RASGEF1C: variants seen among roughly 807,000 people sequenced by gnomAD.
The protein encoded by RASGEF1C is ras-GEF domain-containing family member 1C.
A neutral mutation model predicts 58.1 loss-of-function variants in RASGEF1C; 27 were observed. The ratio of observed to expected loss-of-function variants is 0.46; its 90% CI spans 0.34 to 0.64. The LOEUF (loss-of-function observed/expected upper bound fraction) is 0.64, where lower values mean the gene tolerates loss of function less well. Ranked by LOEUF, RASGEF1C falls within the 30% of genes least tolerant of loss-of-function variation. The pLI, the probability that RASGEF1C is intolerant of heterozygous loss-of-function variation, is 0.01. For missense variants in RASGEF1C, 502 were observed against 605.1 expected, an observed-to-expected ratio of 0.83 and a Z score of 1.79; for synonymous variants, 243 against 246.3, an observed-to-expected ratio of 0.99 and a Z score of 0.13.
chr5:180,108,204 CTT>C (rs34249635), intron 12 of RASGEF1C, among the ~76,000 whole-genome samples: 27 of 124,870 alleles, frequency 2.2e-4, no homozygotes, highest in Non-Finnish European at 1.9e-4. Flanking sequence ...TTCTTTCTTT[CTT>C]TTTTTTTTTT....
chr5:180,129,397 T>G (rs748067952), intron 4 of RASGEF1C, among the ~76,000 whole-genome samples: 4 of 152,154 alleles, frequency 2.6e-5, no homozygotes, highest in Non-Finnish European at 5.9e-5. Flanking sequence ...CATCTGAGGC[T>G]CTGCCACAGC....
At chr5:180,190,640 C>A (rs1340321785) in intron 1 of RASGEF1C, among the ~76,000 whole-genome samples, 3 of 150,780 alleles carry the variant, frequency 2.0e-5, no homozygotes, top group South Asian at 4.3e-4. Flanking sequence ...TGCTCTCCAG[C>A]CTAGGTGACA....
intron 6 of RASGEF1C, among the ~76,000 whole-genome samples, chr5:180,126,115 A>G (rs58714696): frequency 0.52 from 79,214 of 151,706 alleles, 21,094 homozygotes; most frequent in East Asian, 0.72. Context: ...AAAAAATCTT[A>G]CAAGAATCTC....
intron 1 of RASGEF1C, among the ~76,000 whole-genome samples, chr5:180,145,031 T>G (rs1766641943): frequency 1.3e-5 from 2 of 152,268 alleles, no homozygotes; most frequent in African/African-American, 2.4e-5. Flanking sequence ...TACCATATTT[T>G]GTTCATCTAT....
intron 4 of RASGEF1C, among the ~76,000 whole-genome samples, chr5:180,135,553 C>T (rs1452018079): frequency 6.6e-6 from 1 of 152,180 alleles, no homozygotes; most frequent in Non-Finnish European, 1.5e-5. Context: ...TAAACTTGCC[C>T]CTTCTAAACA....
rs111871120 is a variant in RASGEF1C, at chr5:180,127,466, C to T, written c.714+143G>A. On this transcript the variant is annotated intron_variant, in intron 6 of 13. Transcript: ENST00000361132. ...GCGCCCCCGAGCTGGAGGGGCGTGG[C>T]GGAGTGGGCAGGGCCCCCCGAGCCC... is the stretch of plus-strand genomic sequence containing the variant. 3.7e-3 allele frequency: 2,347 copies of T among 640,618 alleles called. 53 individuals carry two copies. The African/African-American group carries it at 0.04, about 11-fold the overall frequency. 39.7% of individuals were successfully genotyped at this position (640,618 alleles called of 1,614,324 possible). A position where few individuals can be genotyped will look rare whatever the true frequency, so the allele number is the denominator to read the frequency against.
At chr5:180,174,478 G>GTC (rs1420489269) in intron 1 of RASGEF1C, among the ~76,000 whole-genome samples, 2 of 84,400 alleles carry the variant, frequency 2.4e-5, no homozygotes, top group African/African-American at 8.5e-5. Context: ...GTGTATGTGT[G>GTC]TCTGTGTGTG....
At position 180,137,879 on chromosome 5, in the gene RASGEF1C, G is replaced by T; in HGVS notation, c.174C>A (p.Pro58=). 6.2e-7 allele frequency: 1 copy of T among 1,612,068 alleles called. No individual in the cohort carries two copies. ...GCCCGCTGGGTGGATCACCCACCTC[G>T]GGGTAGTAGTCGGCTGTGGGCACCA... ...QHLVPTADYY[P]EKAYIFTFLL... is the part of the protein sequence containing the mutation. The change falls in exon 2 of 14, where the codon CCC becomes CCA. Residue 58 remains proline, a synonymous_variant. Coordinates refer to ENST00000361132, the MANE Select transcript of RASGEF1C (RefSeq NM_175062.4). The surrounding 1 kb of genome is among the most constrained non-coding windows in gnomAD (Gnocchi z 4.1).
intron 1 of RASGEF1C, among the ~76,000 whole-genome samples, chr5:180,154,734 T>C (rs1389889796): frequency 3.3e-5 from 5 of 152,022 alleles, no homozygotes; most frequent in Non-Finnish European, 7.4e-5. Flanking sequence ...GCACCCACCA[T>C]CACGCCTGCC....
In RASGEF1C at chr5:180,137,605, C is replaced by T. The variant is rs753880592; in HGVS notation, c.285G>A (p.Lys95=). The T allele has an allele frequency of 3.1e-6, 5 of 1,607,836 alleles. No homozygotes were observed. The highest frequency in any genetic ancestry group is 1.3e-5 in the African/African-American group (1 of 74,952). ...TCCGCCTCACCTTGTCCAGCACCGG[C>T]TTGTCCAGCTGCTGCTGCTCGATGC... ...HLCIEQQQLD[K]PVLDKARVRK... The change falls in exon 3 of 14, where the codon AAG becomes AAA. Residue 95 remains lysine (K), a synonymous_variant. Coordinates refer to ENST00000361132, the MANE Select transcript of RASGEF1C (RefSeq NM_175062.4). This position sits in a 1 kb window ranked among gnomAD's most constrained non-coding sequence, Gnocchi z 4.1.
intron 11 of RASGEF1C, 54 bp from the exon 12 acceptor site, chr5:180,111,634 CAT>C (rs1412722688): frequency 1.2e-6 from 2 of 1,607,928 alleles, no homozygotes; most frequent in African/African-American, 2.7e-5. Context: ...TGGAGGTCCC[CAT>C]GAGGGGGAGG....
At chr5:180,182,586 G>A (rs890882990) in intron 1 of RASGEF1C, among the ~76,000 whole-genome samples, 2 of 152,112 alleles carry the variant, frequency 1.3e-5, no homozygotes, top group African/African-American at 4.8e-5. Flanking sequence ...GTTGATTGGT[G>A]CATTTTTACA....
chr5:180,111,427 G>A, intron 12 of RASGEF1C, 30 bp downstream of exon 12: 1 of 1,613,820 alleles, frequency 6.2e-7, no homozygotes, highest in Non-Finnish European at 8.5e-7. Context: ...CCGTGGCCCA[G>A]TAGGCAGGAG....
At chr5:180,130,000 C>T (rs1455700523) in intron 4 of RASGEF1C, among the ~76,000 whole-genome samples, 2 of 152,334 alleles carry the variant, frequency 1.3e-5, no homozygotes, top group South Asian at 2.1e-4. Flanking sequence ...TGGCCCAAAG[C>T]AAGAGCCCGT....
chr5:180,116,911 C>T lies in RASGEF1C; in HGVS notation c.1083+1698G>A, dbSNP rs1011030453. ...GGCTGGAGTGTGATCCTGGCTCCGC[C>T]ACCTACCTGCAGTGTGAGTGGACTA... On this transcript the variant is annotated intron_variant, in intron 10 of 13. Coordinates refer to ENST00000361132, the MANE Select transcript of RASGEF1C (RefSeq NM_175062.4). 3.3e-5 allele frequency among the ~76,000 whole-genome samples: 5 copies of T among 152,254 alleles called. No homozygotes were observed. The South Asian group carries it at 1.0e-3, about 31-fold the overall frequency.
At chr5:180,201,166 C>T (rs1462096882) in intron 1 of RASGEF1C, among the ~76,000 whole-genome samples, 2 of 152,070 alleles carry the variant, frequency 1.3e-5, no homozygotes, top group Non-Finnish European at 2.9e-5. Context: ...GGGTGGGTGT[C>T]AGAGCACTGG....
At chr5:180,120,431 GGA>G (rs1766148068) in intron 7 of RASGEF1C, among the ~76,000 whole-genome samples, 1 of 152,198 alleles carries the variant, frequency 6.6e-6, no homozygotes, top group Non-Finnish European at 1.5e-5. Context: ...CACCTGCTGC[GGA>G]GAGCCCAGCC....
chr5:180,179,240 GC>G (rs1455008700), intron 1 of RASGEF1C, among the ~76,000 whole-genome samples: 2 of 152,126 alleles, frequency 1.3e-5, no homozygotes, highest in African/African-American at 2.4e-5. Context: ...GGAGCACTCA[GC>G]CCCCGGGGTT....
chr5:180,196,498 C>CA, intron 1 of RASGEF1C, among the ~76,000 whole-genome samples: 1 of 130,766 alleles, frequency 7.6e-6, no homozygotes, highest in East Asian at 2.2e-4. Flanking sequence ...GACTCTGTCT[C>CA]AAAAAAGAAA....
Sources: allele counts gnomAD v4.1 joint callset (sites outside exome capture counted in the v4.1 genomes callset), GRCh38; gene constraint gnomAD v4.1.1; non-coding constraint Gnocchi (gnomAD v3.1); transcripts MANE v1.5; gene names NCBI Gene and HGNC (gene_info 2026-07-23, HGNC 2026-07-21).